Variants in CEP128 observed in about 807,000 individuals in gnomAD.
CEP128 encodes the protein centrosomal protein 128.
Under a neutral mutation model 156.7 loss-of-function variants are expected in CEP128, and 132 were observed. The ratio of observed to expected loss-of-function variants is 0.84; its 90% CI spans 0.73 to 0.97. The LOEUF (loss-of-function observed/expected upper bound fraction) is 0.97. CEP128 is among the 50% of genes least tolerant of loss of function. CEP128 has a pLI of 0.00. For missense variants in CEP128, 1,252 were observed against 1,281.9 expected (o/e 0.98, Z 0.36); for synonymous variants, 469 against 448.9 (o/e 1.04, Z -0.57).
At chr14:80,637,787 T>C (rs755638258) in intron 19 of CEP128, among the ~76,000 whole-genome samples, 1 of 152,148 alleles carries the variant, frequency 6.6e-6, no homozygotes, top group Non-Finnish European at 1.5e-5. Context: ...GGGCACCATA[T>C]GTCATCCCAA....
intron 8 of CEP128, among the ~76,000 whole-genome samples, chr14:80,884,474 G>A (rs923652558): frequency 5.9e-5 from 9 of 152,172 alleles, no homozygotes; most frequent in African/African-American, 9.6e-5. Context: ...ATCTCATTGG[G>A]ACTGGCTAGA....
At chr14:80,680,372 C>G (rs1896270505) in intron 19 of CEP128, among the ~76,000 whole-genome samples, 1 of 152,150 alleles carries the variant, frequency 6.6e-6, no homozygotes, top group Non-Finnish European at 1.5e-5. Flanking sequence ...ACCAGCATCC[C>G]ACCCTTCGTG....
downstream of CEP128, among the ~76,000 whole-genome samples, chr14:80,495,016 C>T (rs140676678): frequency 2.4e-4 from 36 of 152,222 alleles, no homozygotes; most frequent in African/African-American, 7.7e-4. Context: ...GCAACTTCAA[C>T]GGAAGTTTAG....
chr14:80,953,761 T>C lies in CEP128; in HGVS notation c.-172+4417A>G, dbSNP rs539594152. On this transcript the variant is annotated intron_variant, in intron 2 of 7. Transcript: ENST00000555529. ...CAGTTTTATTACCCACAAAATTCTC[T>C]GGTGTTCATTTGTAGTCAGCCCTAC... Among the ~76,000 whole-genome samples the C allele has an allele frequency of 2.4e-3, 370 of 152,320 alleles. 4 individuals carry two copies. Among genetic ancestry groups the C allele is most frequent in the Non-Finnish European group, 2.5e-4 (17 of 68,018 alleles).
downstream of CEP128, among the ~76,000 whole-genome samples, chr14:80,492,764 TG>T (rs1202889313): frequency 2.0e-5 from 3 of 152,180 alleles, no homozygotes; most frequent in Non-Finnish European, 4.4e-5. Flanking sequence ...TGTAATTTAA[TG>T]GAAAACCTCA....
upstream of CEP128, among the ~76,000 whole-genome samples, chr14:80,943,372 G>A (rs538414349): frequency 6.6e-6 from 1 of 152,302 alleles, no homozygotes; most frequent in African/African-American, 2.4e-5. Context: ...CTGAAGAAGT[G>A]ATAATCAGAT....
At chr14:80,576,467 T>C (rs1160691654) in intron 20 of CEP128, among the ~76,000 whole-genome samples, 1 of 152,202 alleles carries the variant, frequency 6.6e-6, no homozygotes, top group Non-Finnish European at 1.5e-5. Context: ...ATTTTGGTAA[T>C]TACAAGCTGT....
chr14:80,546,151 T>C (rs1889974572), intron 21 of CEP128, among the ~76,000 whole-genome samples: 1 of 152,202 alleles, frequency 6.6e-6, no homozygotes, highest in African/African-American at 2.4e-5. Context: ...CACACTGCTG[T>C]TGTGGCTGGT....
chr14:80,510,283 C>T (rs779554567), intron 23 of CEP128, among the ~76,000 whole-genome samples: 3 of 151,890 alleles, frequency 2.0e-5, no homozygotes, highest in Non-Finnish European at 4.4e-5. Flanking sequence ...TGTATGTGTC[C>T]TCTTCAATTT....
chr14:80,666,027 A>T (rs1312087536), intron 19 of CEP128, among the ~76,000 whole-genome samples: 2 of 152,186 alleles, frequency 1.3e-5, no homozygotes, highest in Non-Finnish European at 2.9e-5. Context: ...GGGCTTTTCC[A>T]ATTGCAAAGT....
intron 13 of CEP128, among the ~76,000 whole-genome samples, chr14:80,829,888 C>T (rs1392542684): frequency 6.6e-6 from 1 of 152,098 alleles, no homozygotes; most frequent in South Asian, 2.1e-4. Flanking sequence ...TTTTTTAGTG[C>T]TCACATATTT....
intron 1 of CEP128, among the ~76,000 whole-genome samples, chr14:80,940,015 T>G (rs1886059089): frequency 6.6e-6 from 1 of 152,140 alleles, no homozygotes; most frequent in Admixed American, 6.5e-5. Context: ...ATAAAATGCC[T>G]TTGGTTGTAG....
At chr14:80,855,211 G>A (rs1177734197) in intron 9 of CEP128, among the ~76,000 whole-genome samples, 3 of 151,842 alleles carry the variant, frequency 2.0e-5, no homozygotes, top group Non-Finnish European at 4.4e-5. Flanking sequence ...GTGGTTTGAG[G>A]GCTCTGACAC....
intron 13 of CEP128, among the ~76,000 whole-genome samples, chr14:80,798,369 C>T (rs562896327): frequency 1.3e-5 from 2 of 152,216 alleles, no homozygotes; most frequent in South Asian, 2.1e-4. Context: ...AAAAGGCACA[C>T]GAAGTGAAGT....
intron 23 of CEP128, among the ~76,000 whole-genome samples, chr14:80,515,477 T>C (rs1400311594): frequency 6.6e-6 from 1 of 152,178 alleles, no homozygotes; most frequent in African/African-American, 2.4e-5. Flanking sequence ...GTGACCACCA[T>C]AGCCCCAGGC....
At chr14:80,518,677 TA>T (rs556661068) in intron 23 of CEP128, among the ~76,000 whole-genome samples, 1 of 152,238 alleles carries the variant, frequency 6.6e-6, no homozygotes, top group Non-Finnish European at 1.5e-5. Context: ...TTATGACTGT[TA>T]TTCCTTCCCT....
At chr14:80,545,760 G>T (rs890742627) in intron 21 of CEP128, among the ~76,000 whole-genome samples, 21 of 152,122 alleles carry the variant, frequency 1.4e-4, no homozygotes, top group African/African-American at 5.1e-4. Flanking sequence ...TAATGAGTAG[G>T]ACAAAATCCA....
In CEP128 at chr14:80,784,934, T is replaced by C; in HGVS notation, c.2172A>G (p.Lys724=). The change falls in exon 15 of 25, where the codon AAA becomes AAG. Residue 724 remains lysine (K), a synonymous_variant. Transcript: ENST00000555265. ...TATGATTCTCAGCCTCACTCTTTTC[T>C]TTCTTAAAGTGCTTCATAAGCTCCT... ...NIQELMKHFK[K]EKSEAENHIR... 6.2e-7 allele frequency: 1 copy of C among 1,613,626 alleles called. No homozygotes were observed. Among genetic ancestry groups the C allele is most frequent in the Non-Finnish European group, 8.5e-7 (1 of 1,179,804 alleles).
Position 80,647,067 on chromosome 14 carries a change from A to G in CEP128, c.2807-66644T>C, listed in dbSNP as rs1216997430. On this transcript the variant is annotated intron_variant, in intron 19 of 24. Transcript: ENST00000555265. ...TATATATATATATATATATATATAT[A>G]TATATATATATATATATATACACCC... 5.6e-3 allele frequency among the ~76,000 whole-genome samples: 266 copies of G among 47,854 alleles called. 15 individuals are homozygous for G. Among genetic ancestry groups the G allele is most frequent in the African/African-American group, 0.01 (208 of 20,762 alleles). 31.4% of individuals were successfully genotyped at this position (47,854 alleles called of 152,430 possible).
Sources: allele counts gnomAD v4.1 joint callset (sites outside exome capture counted in the v4.1 genomes callset), GRCh38; gene constraint gnomAD v4.1.1; transcripts MANE v1.5; gene names NCBI Gene and HGNC (gene_info 2026-07-23, HGNC 2026-07-21).